Variants in MYO1H observed in about 807,000 individuals in gnomAD.
MYO1H encodes unconventional myosin-Ih.
A neutral mutation model predicts 149.3 loss-of-function variants in MYO1H; 118 were observed. The ratio of observed to expected loss-of-function variants is 0.79; its 90% confidence interval spans 0.68 to 0.92. MYO1H has a LOEUF of 0.92. Among genes scored for constraint, MYO1H ranks in the 40% least tolerant of loss-of-function variants. The probability of loss-of-function intolerance (pLI) is 0.00; values close to 1 mark genes in which losing one functional copy is unlikely to be tolerated. For synonymous variants in MYO1H, 447 were observed against 465.2 expected (o/e 0.96, Z 0.50); for missense variants, 1,212 against 1,280.7 (o/e 0.95, Z 0.82).
intron 19 of MYO1H, among the ~76,000 whole-genome samples, chr12:109,432,020 G>C (rs753712064): frequency 1.3e-4 from 4 of 31,992 alleles, no homozygotes; most frequent in Non-Finnish European, 2.3e-4. Context: ...TTTTTTTTTT[G>C]AGATGGAGTC....
chr12:109,397,863 T>C, intron 5 of MYO1H, 51 bp downstream of exon 5: 1 of 1,441,926 alleles, frequency 6.9e-7, no homozygotes, highest in Non-Finnish European at 9.4e-7. Context: ...ATTTTGCCAG[T>C]GACGGAACCC....
chr12:109,409,446 C>A, intron 10 of MYO1H, 111 bp from the exon 11 acceptor site: 1 of 906,156 alleles, frequency 1.1e-6, no homozygotes. Context: ...TTGTTGGAGA[C>A]AGAGGACATA....
intron 5 of MYO1H, among the ~76,000 whole-genome samples, chr12:109,400,625 GGATA>G (rs1289117442): frequency 5.9e-5 from 9 of 152,238 alleles, no homozygotes; most frequent in Admixed American, 2.6e-4. Flanking sequence ...ATTGACACAA[GGATA>G]GATAAAGAAG....
At chr12:109,416,024 C>T (rs576427568) in intron 15 of MYO1H, among the ~76,000 whole-genome samples, 116 of 151,906 alleles carry the variant, frequency 7.6e-4, no homozygotes, top group African/African-American at 2.7e-3. Context: ...CTCACTGCAA[C>T]CTCCGCCTCC....
At chr12:109,337,865 C>T in the MYO1H span, among the ~76,000 whole-genome samples, 2 of 152,048 alleles carry the variant, frequency 1.3e-5, no homozygotes, top group African/African-American at 2.4e-5. Flanking sequence ...CTGATCAAAC[C>T]GTGAATTTTC....
At chr12:109,436,425 A>G (rs2075432) in intron 21 of MYO1H, 63 bp from the exon 22 acceptor site, 566,392 of 1,225,990 alleles carry the variant, frequency 0.46, 135,242 homozygotes, top group African/African-American at 0.68. Flanking sequence ...ACCCCTGGAG[A>G]TCACAACCAC....
At chr12:109,340,741 CATT>C in the MYO1H span, among the ~76,000 whole-genome samples, 10 of 152,182 alleles carry the variant, frequency 6.6e-5, no homozygotes, top group East Asian at 1.9e-4. Flanking sequence ...ACATATTTGT[CATT>C]AGTTTCTGTT....
intron 31 of MYO1H, chr12:109,446,464 C>A: frequency 3.0e-6 from 3 of 985,310 alleles, no homozygotes; most frequent in Non-Finnish European, 3.6e-6. Flanking sequence ...GTGGATTTAC[C>A]TATAAAGTCA....
At chr12:109,442,536 A>G (rs1872183601) in intron 27 of MYO1H, among the ~76,000 whole-genome samples, 1 of 152,208 alleles carries the variant, frequency 6.6e-6, no homozygotes, top group Non-Finnish European at 1.5e-5. Flanking sequence ...AAGTGTAGCC[A>G]TGAACTTAAT....
the MYO1H span, among the ~76,000 whole-genome samples, chr12:109,323,545 T>C: frequency 6.6e-6 from 1 of 152,208 alleles, no homozygotes; most frequent in African/African-American, 2.4e-5. Context: ...GAGGATCTTA[T>C]TAAAAAGCAG....
chr12:109,374,577 C>T (rs1322250107), intron 1 of MYO1H, among the ~76,000 whole-genome samples: 1 of 152,084 alleles, frequency 6.6e-6, no homozygotes. Context: ...ATAACGCTGC[C>T]ATGTACCTTC....
At chr12:109,320,455 C>A in the MYO1H span, among the ~76,000 whole-genome samples, 1,032 of 63,066 alleles carry the variant, frequency 0.016, no homozygotes, top group East Asian at 0.024. Flanking sequence ...ATTAAAAATA[C>A]AAAAAAAAAA....
intron 1 of MYO1H, among the ~76,000 whole-genome samples, chr12:109,387,765 A>T (rs972859237): frequency 1.3e-5 from 2 of 152,128 alleles, no homozygotes; most frequent in African/African-American, 4.8e-5. Flanking sequence ...AGCCCTCCTG[A>T]TGCAGACATT....
intron 2 of MYO1H, among the ~76,000 whole-genome samples, chr12:109,392,590 C>T (rs1014890829): frequency 2.0e-5 from 3 of 151,744 alleles, no homozygotes; most frequent in South Asian, 2.1e-4. Context: ...GGGGTGGTGG[C>T]GCATGCCTGT....
intron 1 of MYO1H, among the ~76,000 whole-genome samples, chr12:109,351,439 T>C (rs1868459152): frequency 6.6e-6 from 1 of 152,182 alleles, no homozygotes; most frequent in Admixed American, 6.5e-5. Context: ...CTTATGACAA[T>C]ATTTTAAGGT....
exon 32 of MYO1H, chr12:109,447,737 G>A (rs1872545211): frequency 6.3e-6 from 1 of 158,346 alleles, no homozygotes; most frequent in African/African-American, 2.4e-5. Context: ...CAGTCTGAGT[G>A]AGTGTGGGTG....
chr12:109,358,846 TAAAAAAAA>T (rs541289093), intron 1 of MYO1H, among the ~76,000 whole-genome samples: 1 of 84,558 alleles, frequency 1.2e-5, no homozygotes, highest in African/African-American at 5.6e-5. Context: ...CCTGTGGTGT[TAAAAAAAA>T]AAAAAAAAAA....
intron 1 of MYO1H, among the ~76,000 whole-genome samples, chr12:109,372,951 T>C (rs1311917016): frequency 6.6e-6 from 1 of 152,106 alleles, no homozygotes; most frequent in African/African-American, 2.4e-5. Context: ...GTTAAAATTA[T>C]TTTTATAGAA....
At chr12:109,388,445 G>A (rs1453297496) in intron 1 of MYO1H, among the ~76,000 whole-genome samples, 1 of 152,140 alleles carries the variant, frequency 6.6e-6, no homozygotes, top group Non-Finnish European at 1.5e-5. Flanking sequence ...TATAAGTCAA[G>A]TGTTTAGAAT....
Sources: allele counts gnomAD v4.1 joint callset (sites outside exome capture counted in the v4.1 genomes callset), GRCh38; gene constraint gnomAD v4.1.1; transcripts MANE v1.5; gene names NCBI Gene and HGNC (gene_info 2026-07-23, HGNC 2026-07-21).